PALS2: variants seen among roughly 807,000 people sequenced by gnomAD.
The protein encoded by PALS2 is protein associated with LIN7 2, MAGUK p55 family member.
Under a neutral mutation model 61.6 loss-of-function variants are expected in PALS2, and 27 were observed. The observed-to-expected ratio is 0.44, with a 90% CI of 0.32 to 0.60. The LOEUF is 0.60. PALS2 is among the 20% of genes least tolerant of loss of function. The pLI is 0.05. For missense variants in PALS2, 554 were observed against 639.4 expected (o/e 0.87, Z 1.44); for synonymous variants, 236 against 218.6 (o/e 1.08, Z -0.70).
Position 24,618,867 on chromosome 7 carries a change from T to C in PALS2, c.-2-4799T>C, listed in dbSNP as rs1365136606. On this transcript the variant is annotated intron_variant, in intron 1 of 11. Transcript: ENST00000222644. This position sits in a 1 kb window ranked among gnomAD's most constrained non-coding sequence, Gnocchi z 5.1. ...TTCAACACTCCAGTCAAATCTTAGC[T>C]GTTTATTTATTGCCGTGGTCCTTTC... is the stretch of plus-strand genomic sequence containing the variant. Among the ~76,000 whole-genome samples the C allele has an allele frequency of 6.6e-6, 1 of 152,240 alleles. No individual in the cohort carries two copies. The highest frequency in any genetic ancestry group is 1.5e-5 in the Non-Finnish European group (1 of 68,034).
In PALS2 at chr7:24,636,503, T is replaced by A. The variant is rs1490862984; in HGVS notation, c.118-5213T>A. 1.3e-5 allele frequency among the ~76,000 whole-genome samples: 2 copies of A among 152,176 alleles called. 1 individual carries two copies. The highest frequency in any genetic ancestry group is 1.3e-4 in the Admixed American group (2 of 15,288). ...ATTGCAAATAACTATGTAATACATA[T>A]TTCAAGATAGCTAGAAGAGAAGATT... On this transcript the variant is annotated intron_variant, in intron 2 of 11. Transcript: ENST00000222644.
rs550640972 is a variant in PALS2 at position 24,692,813 on chromosome 7, T to C, written c.*5199T>C. On this transcript the variant is annotated 3_prime_UTR_variant, in exon 12 of 12. Transcript: ENST00000222644. ...CGAAAACTGTCCTACTTTATCCTTA[T>C]ACCTGAAATCACTGCATACCTGAAA... 5.3e-5 allele frequency: 8 copies of C among 152,274 alleles called. 1 individual carries two copies. Among genetic ancestry groups the C allele is most frequent in the African/African-American group, 1.7e-4 (7 of 41,562 alleles). The allele number at this position is 152,274 out of a possible 1,614,324, so 9.4% of individuals were successfully genotyped here.
intron 8 of PALS2, among the ~76,000 whole-genome samples, chr7:24,668,155 CA>C (rs200570573): frequency 0.078 from 11,210 of 143,622 alleles, 481 homozygotes; most frequent in African/African-American, 0.12. Flanking sequence ...CCCATCTCTA[CA>C]AAAAAAAAAA....
chr7:24,622,385 T>C (rs563285388), intron 1 of PALS2, among the ~76,000 whole-genome samples: 1 of 152,140 alleles, frequency 6.6e-6, no homozygotes, highest in Admixed American at 6.5e-5. Flanking sequence ...TTTGTACTAC[T>C]TCTGTTACAT....
chr7:24,625,313 ATTTATAGC>A (rs1784695185), intron 2 of PALS2, among the ~76,000 whole-genome samples: 1 of 152,146 alleles, frequency 6.6e-6, no homozygotes, highest in Non-Finnish European at 1.5e-5. Context: ...TGTTTATTTA[ATTTATAGC>A]TTTTGATCTA....
intron 3 of PALS2, 124 bp from the exon 4 acceptor site, chr7:24,649,488 T>C: frequency 1.5e-6 from 1 of 671,284 alleles, no homozygotes; most frequent in Non-Finnish European, 2.2e-6. Context: ...TATTTGGGAA[T>C]TTAATACCAT....
intron 5 of PALS2, among the ~76,000 whole-genome samples, chr7:24,652,735 C>T (rs1047433597): frequency 1.3e-5 from 2 of 152,174 alleles, no homozygotes; most frequent in Non-Finnish European, 2.9e-5. Context: ...TCACTAAAAT[C>T]TCCACCATGT....
rs190564449 is a variant in PALS2 at position 24,685,976 on chromosome 7, G to C, written c.1447-1462G>C. ...TGATTTGCATAACCAGTCGCCTGCT[G>C]TACATCTCCACTTGGATGTCTCACA... On this transcript the variant is annotated intron_variant, in intron 11 of 11. Coordinates refer to ENST00000222644, the MANE Select transcript of PALS2 (RefSeq NM_001303037.2). Among the ~76,000 whole-genome samples the C allele has an allele frequency of 4.6e-5, 7 of 152,212 alleles. No individual in the cohort carries two copies. The East Asian group carries it at 9.7e-4, about 21-fold the overall frequency.
At chr7:24,612,126 C>G (rs563328097) in intron 1 of PALS2, among the ~76,000 whole-genome samples, 10 of 151,824 alleles carry the variant, frequency 6.6e-5, no homozygotes, top group Admixed American at 5.9e-4. Context: ...TAGCTATTCC[C>G]TTTGTTCATG....
intron 5 of PALS2, among the ~76,000 whole-genome samples, chr7:24,656,438 T>C (rs1786420820): frequency 6.6e-6 from 1 of 152,210 alleles, no homozygotes; most frequent in Admixed American, 6.5e-5. Flanking sequence ...GTGTACAATT[T>C]GATACATGTG....
At chr7:24,595,513 T>G (rs1783476569) in intron 1 of PALS2, among the ~76,000 whole-genome samples, 1 of 90,088 alleles carries the variant, frequency 1.1e-5, no homozygotes, top group Non-Finnish European at 1.9e-5. Flanking sequence ...ATATATAATA[T>G]ATAATATATA....
Position 24,641,865 on chromosome 7 carries a change from C to G in PALS2, c.267C>G (p.Phe89Leu), listed in dbSNP as rs976801624. 1.9e-6 allele frequency: 3 copies of G among 1,611,518 alleles called. No homozygotes were observed. The highest frequency in any genetic ancestry group is 1.7e-5 in the Admixed American group (1 of 59,438). Residue 89 changes from phenylalanine (F) to leucine (L), a missense_variant, in exon 3 of 12, where the codon TTC (phenylalanine) becomes TTG (leucine). Phe to Leu is a conservative substitution (Grantham distance 22). Transcript: ENST00000222644. Reference protein sequence around the residue: ...ELVGILKEPHFQSLLEAHDIV... With the variant: ...ELVGILKEPHLQSLLEAHDIV... ...TTGGTATACTCAAAGAACCTCACTT[C>G]CAGGTAACTTTCCCTATCACTCAAC...
At chr7:24,627,370 G>A (rs771801988) in intron 2 of PALS2, among the ~76,000 whole-genome samples, 16 of 152,326 alleles carry the variant, frequency 1.1e-4, no homozygotes, top group Non-Finnish European at 1.6e-4. Context: ...GCAGTGTTTA[G>A]AGGGAAATTT....
At chr7:24,674,605 A>C (rs939613213) in intron 9 of PALS2, 1 of 152,230 alleles carries the variant, frequency 6.6e-6, no homozygotes, top group African/African-American at 2.4e-5. Context: ...GTGCTCTTCA[A>C]CAGCACCATC....
At chr7:24,670,767 G>A (rs1787257162) in intron 9 of PALS2, among the ~76,000 whole-genome samples, 1 of 152,072 alleles carries the variant, frequency 6.6e-6, no homozygotes, top group Admixed American at 6.6e-5. Context: ...TGCTTATTTT[G>A]GACATTTTAT....
chr7:24,683,054 G>A (rs1450108667), intron 11 of PALS2, among the ~76,000 whole-genome samples: 1 of 152,014 alleles, frequency 6.6e-6, no homozygotes, highest in Non-Finnish European at 1.5e-5. Flanking sequence ...TAATCAGTGG[G>A]GTCAGAAGTT....
chr7:24,665,786 C>A, intron 7 of PALS2, 99 bp downstream of exon 7: 1 of 1,134,212 alleles, frequency 8.8e-7, no homozygotes, highest in Non-Finnish European at 1.3e-6. Flanking sequence ...TAAAATATGT[C>A]TAGAATGAAT....
Position 24,654,443 on chromosome 7 carries a change from A to G in PALS2, c.651+3731A>G, listed in dbSNP as rs562133367. On this transcript the variant is annotated intron_variant, in intron 5 of 11. Transcript: ENST00000222644. ...TACCAAGGTACCTGAAAATAAGATG[A>G]AGACACAAAACTCAATTGCATTTCT... Among the ~76,000 whole-genome samples, 168 of 152,332 alleles carry G rather than the reference A, an allele frequency of 1.1e-3. 7 individuals are homozygous for G. The South Asian group carries it at 0.033, about 30-fold the overall frequency.
chr7:24,626,295 A>T (rs1453615103), intron 2 of PALS2, among the ~76,000 whole-genome samples: 1 of 152,118 alleles, frequency 6.6e-6, no homozygotes, highest in Non-Finnish European at 1.5e-5. Context: ...TCAAGCAAAA[A>T]CTAATAGAGA....
Sources: gnomAD v4.1 joint callset for allele counts (sites outside exome capture counted in the v4.1 genomes callset) on GRCh38, gnomAD v4.1.1 for gene constraint, Gnocchi (gnomAD v3.1) non-coding constraint, MANE v1.5 for transcripts, NCBI Gene and HGNC (gene_info 2026-07-23, HGNC 2026-07-21) for gene names.